Variants in NOX4 observed in about 807,000 individuals in gnomAD.
NOX4 encodes the protein NADPH oxidase 4, also known as kidney oxidase-1.
Under a neutral mutation model 87.6 loss-of-function variants are expected in NOX4, and 69 were observed. That is an observed-to-expected ratio of 0.79 (90% CI 0.65 to 0.96). The LOEUF is 0.96. Among genes scored for constraint, NOX4 ranks in the 40% least tolerant of loss-of-function variants. The probability of loss-of-function intolerance (pLI) is 0.00; values close to 1 mark genes in which losing one functional copy is unlikely to be tolerated. For synonymous variants in NOX4, 275 were observed against 238.2 expected (o/e 1.15, Z -1.42); for missense variants, 680 against 681.5 (o/e 1.00, Z 0.02).
chr11:89,460,511 A>C (rs1010417961), intron 2 of NOX4, among the ~76,000 whole-genome samples: 1 of 152,214 alleles, frequency 6.6e-6, no homozygotes, highest in Non-Finnish European at 1.5e-5. Flanking sequence ...ATGAACAGAC[A>C]CTTCTCAAAA....
chr11:89,416,192 T>C (rs1220936775), intron 8 of NOX4, among the ~76,000 whole-genome samples: 3 of 152,114 alleles, frequency 2.0e-5, no homozygotes, highest in African/African-American at 7.2e-5. Context: ...GGACAATAAA[T>C]TACAAAGTCA....
At chr11:89,462,065 T>C (rs1461651515) in intron 2 of NOX4, among the ~76,000 whole-genome samples, 1 of 152,012 alleles carries the variant, frequency 6.6e-6, no homozygotes, top group Non-Finnish European at 1.5e-5. Context: ...GCTAGCTAAC[T>C]GCATTACTAT....
At chr11:89,380,216 G>A (rs1940175342) in intron 11 of NOX4, among the ~76,000 whole-genome samples, 1 of 152,164 alleles carries the variant, frequency 6.6e-6, no homozygotes, top group Non-Finnish European at 1.5e-5. Context: ...CTTAGAGCTT[G>A]TGGGGATGAT....
chr11:89,498,476 G>T (rs1028573838), upstream of NOX4, among the ~76,000 whole-genome samples: 1 of 152,054 alleles, frequency 6.6e-6, no homozygotes, highest in Non-Finnish European at 1.5e-5. Flanking sequence ...CTTGTTCACC[G>T]AAGTATGTTG....
chr11:89,529,371 A>C, the NOX4 span, among the ~76,000 whole-genome samples: 1 of 152,314 alleles, frequency 6.6e-6, no homozygotes, highest in African/African-American at 2.4e-5. Flanking sequence ...GTTAACTAAA[A>C]CCAAACTGGA....
rs1354478646 is a variant in NOX4, at chr11:89,400,023, G to C, written c.1068C>G (p.Leu356=). The C allele has an allele frequency of 6.2e-7, 1 of 1,605,924 alleles. No homozygotes were observed. The highest frequency in any genetic ancestry group is 8.5e-7 in the Non-Finnish European group (1 of 1,174,126). ...CAAGAGATATGTTTCTTACCATTGT[G>C]AGGGTAAATGGATGATTTTCTAATG... ...VSALENHPFT[L]TMCPTETKAT... The change falls in exon 11 of 18, where the codon CTC becomes CTG. Residue 356 remains leucine, a synonymous_variant. Transcript: ENST00000263317.
intron 11 of NOX4, among the ~76,000 whole-genome samples, chr11:89,381,162 T>G (rs769809152): frequency 3.9e-5 from 6 of 152,170 alleles, no homozygotes; most frequent in Non-Finnish European, 8.8e-5. Flanking sequence ...AGTGCAGGCA[T>G]GCTATGTAAA....
chr11:89,535,738 A>G, the NOX4 span, among the ~76,000 whole-genome samples: 4 of 152,246 alleles, frequency 2.6e-5, no homozygotes, highest in Admixed American at 6.5e-5. Flanking sequence ...GCATATATAC[A>G]GATTCCAAAT....
At chr11:89,367,732 T>C (rs1053943008) in intron 12 of NOX4, among the ~76,000 whole-genome samples, 6 of 152,080 alleles carry the variant, frequency 3.9e-5, no homozygotes, top group African/African-American at 1.2e-4. Context: ...TTTCAGTTCC[T>C]GTTTAAAACT....
At chr11:89,392,428 A>G (rs1941196643) in intron 11 of NOX4, among the ~76,000 whole-genome samples, 1 of 152,126 alleles carries the variant, frequency 6.6e-6, no homozygotes, top group Non-Finnish European at 1.5e-5. Context: ...GGTGAGGAAA[A>G]GCTCTCTTGT....
At chr11:89,458,165 A>C (rs999194570) in intron 2 of NOX4, among the ~76,000 whole-genome samples, 3 of 152,248 alleles carry the variant, frequency 2.0e-5, no homozygotes, top group African/African-American at 7.2e-5. Context: ...ATTATACTAC[A>C]AGACTACAAT....
chr11:89,566,326 G>T, the NOX4 span, among the ~76,000 whole-genome samples: 2 of 152,094 alleles, frequency 1.3e-5, no homozygotes, highest in African/African-American at 4.8e-5. Context: ...ACAGGTGTGA[G>T]CCACCATGCC....
intron 11 of NOX4, among the ~76,000 whole-genome samples, chr11:89,383,326 A>G (rs1940437526): frequency 6.6e-6 from 1 of 152,188 alleles, no homozygotes; most frequent in Non-Finnish European, 1.5e-5. Flanking sequence ...GCCATGTCCC[A>G]TCTATGCGGG....
At position 89,404,872 on chromosome 11, in the gene NOX4, A is replaced by G. The variant is rs531838079; in HGVS notation, c.630-2330T>C. 6.6e-5 allele frequency among the ~76,000 whole-genome samples: 10 copies of G among 152,242 alleles called. 1 individual carries two copies. In the South Asian group the frequency reaches 1.4e-3, roughly 22 times the overall value. ...TTTCTCATTTAAACTTCAAAACAAA[A>G]TAATCATACAAGGTAAGTGTTTTTA... On this transcript the variant is annotated intron_variant, in intron 8 of 17. Transcript: ENST00000263317.
the NOX4 span, among the ~76,000 whole-genome samples, chr11:89,542,292 ATATC>A: frequency 1.3e-5 from 2 of 152,238 alleles, no homozygotes; most frequent in African/African-American, 4.8e-5. Context: ...CGAAAATATT[ATATC>A]TATTATATGT....
rs116533972 is a variant in NOX4 at position 89,454,786 on chromosome 11, G to A, written c.154-2891C>T. ...CTTTATCATCCAATACAGAACAGTC[G>A]CCAGGCTAAGCGTTTTTAATGAATC... On this transcript the variant is annotated intron_variant, in intron 2 of 17. Transcript: ENST00000263317. 5.5e-3 allele frequency among the ~76,000 whole-genome samples: 838 copies of A among 152,102 alleles called. 7 individuals are homozygous for A. Among genetic ancestry groups the A allele is most frequent in the African/African-American group, 0.018 (729 of 41,498 alleles).
At chr11:89,571,534 A>G in the NOX4 span, among the ~76,000 whole-genome samples, 1 of 152,072 alleles carries the variant, frequency 6.6e-6, no homozygotes, top group Non-Finnish European at 1.5e-5. Context: ...TGACCTCGTG[A>G]TCTGCCCGCC....
chr11:89,512,801 T>G, the NOX4 span, among the ~76,000 whole-genome samples: 3 of 152,234 alleles, frequency 2.0e-5, no homozygotes, highest in Non-Finnish European at 4.4e-5. Flanking sequence ...TAAAACATCC[T>G]GTGGTTCTTG....
chr11:89,335,982 G>A (rs199705294), intron 16 of NOX4, 37 bp from the exon 17 acceptor site: 1 of 1,311,828 alleles, frequency 7.6e-7, no homozygotes, highest in Non-Finnish European at 1.1e-6. Context: ...TCGATATTTA[G>A]TTAAGTAAAC....
Sources: gnomAD v4.1 joint callset for allele counts (sites outside exome capture counted in the v4.1 genomes callset) on GRCh38, gnomAD v4.1.1 for gene constraint, MANE v1.5 for transcripts, NCBI Gene and HGNC (gene_info 2026-07-23, HGNC 2026-07-21) for gene names.